Variants in FAR1 observed in about 807,000 individuals in gnomAD.
The protein encoded by FAR1 is fatty acyl-CoA reductase 1.
Under a neutral mutation model 61.1 loss-of-function variants are expected in FAR1, and 22 were observed. The observed-to-expected ratio is 0.36, with a 90% CI of 0.26 to 0.51. The LOEUF is 0.51. Among genes scored for constraint, FAR1 ranks in the 20% least tolerant of loss-of-function variants. The probability of loss-of-function intolerance (pLI) is 0.95; values close to 1 mark genes in which losing one functional copy is unlikely to be tolerated. For synonymous variants in FAR1, 206 were observed against 209.7 expected, an observed-to-expected ratio of 0.98 and a Z score of 0.15; for missense variants, 359 against 626.9, an observed-to-expected ratio of 0.57 and a Z score of 4.56.
chr11:13,712,852 T>A, intron 7 of FAR1, 114 bp from the exon 8 acceptor site: 1 of 634,474 alleles, frequency 1.6e-6, no homozygotes, highest in Non-Finnish European at 2.6e-6. Context: ...TAAAAAAAAA[T>A]AGTATAGAAA....
At chr11:13,697,223 G>T (rs1049517189) in intron 2 of FAR1, among the ~76,000 whole-genome samples, 1 of 152,092 alleles carries the variant, frequency 6.6e-6, no homozygotes, top group Non-Finnish European at 1.5e-5. Flanking sequence ...ACTTTGGGAG[G>T]CCACGGCTGG....
intron 1 of FAR1, chr11:13,670,238 A>T (rs1378020866): frequency 6.6e-6 from 1 of 151,768 alleles, no homozygotes; most frequent in Non-Finnish European, 1.5e-5. Context: ...AGGCCCTGTT[A>T]TTCCATACAT....
intron 10 of FAR1, among the ~76,000 whole-genome samples, chr11:13,723,175 G>A (rs1317339327): frequency 6.6e-6 from 1 of 151,464 alleles, no homozygotes; most frequent in Non-Finnish European, 1.5e-5. Context: ...GACCAGCCTG[G>A]GCAATGTAGC....
At chr11:13,695,778 A>G (rs188319787) in intron 2 of FAR1, among the ~76,000 whole-genome samples, 2 of 152,332 alleles carry the variant, frequency 1.3e-5, no homozygotes, top group East Asian at 1.9e-4. Flanking sequence ...TTGACTTTGA[A>G]TGAACTTCAT....
chr11:13,678,269 T>A (rs1365381454), intron 1 of FAR1, among the ~76,000 whole-genome samples: 1 of 152,098 alleles, frequency 6.6e-6, no homozygotes, highest in African/African-American at 2.4e-5. Context: ...GAAGGTCATG[T>A]TTTCTTTTTT....
In FAR1 at chr11:13,723,383, AC is replaced by A. The variant is rs71041543; in HGVS notation, c.1257+1528del. On this transcript the variant is annotated intron_variant, in intron 10 of 11. Transcript: ENST00000354817. ...CTCTCAAAAAAAAAAAAAAAAAAAA[AC>A]CCCAAAAAAAAACTTTTTTATTTAT... 18 of 388,522 alleles carry A rather than the reference AC, an allele frequency of 4.6e-5. 1 individual carries two copies. The Middle Eastern group carries it at 1.4e-3, about 30-fold the overall frequency. The allele number at this position is 388,522 out of a possible 1,614,324, so 24.1% of individuals were successfully genotyped here. A position where few individuals can be genotyped will look rare whatever the true frequency, so the allele number is the denominator to read the frequency against.
chr11:13,714,088 G>A (rs1299681885), intron 8 of FAR1, among the ~76,000 whole-genome samples: 1 of 152,070 alleles, frequency 6.6e-6, no homozygotes, highest in Non-Finnish European at 1.5e-5. Flanking sequence ...GCCTGTTAAT[G>A]TATGTTAATT....
chr11:13,707,757 T>TA (rs1356246726), intron 3 of FAR1, 143 bp from the exon 4 acceptor site: 2 of 481,434 alleles, frequency 4.2e-6, no homozygotes, highest in Non-Finnish European at 6.8e-6. Context: ...GGAAATAAAA[T>TA]ACACAAAATC....
intron 9 of FAR1, chr11:13,720,534 T>G (rs1194084961): frequency 1.3e-5 from 2 of 151,512 alleles, no homozygotes; most frequent in South Asian, 4.2e-4. Context: ...TGAAATATAG[T>G]TTTTTTTTAC....
intron 1 of FAR1, among the ~76,000 whole-genome samples, chr11:13,680,776 C>T (rs915052938): frequency 6.6e-6 from 1 of 152,176 alleles, no homozygotes; most frequent in Non-Finnish European, 1.5e-5. Flanking sequence ...CACCAGGCCC[C>T]ACCTCCAACA....
Position 13,730,649 on chromosome 11 carries a change from G to C in FAR1, c.*1875G>C, listed in dbSNP as rs1450942945. ...TTTATACTTCTGCCGAATAGACTTAGAATCAGATGAATTGTCTGTGTGTCT... is the reference window on the plus strand; with the variant it reads ...TTTATACTTCTGCCGAATAGACTTACAATCAGATGAATTGTCTGTGTGTCT... On this transcript the variant is annotated 3_prime_UTR_variant, in exon 12 of 12. Transcript: ENST00000354817. 2 of 152,066 alleles carry C rather than the reference G, an allele frequency of 1.3e-5. No homozygotes were observed. Among genetic ancestry groups the C allele is most frequent in the Non-Finnish European group, 2.9e-5 (2 of 67,972 alleles). 9.4% of individuals were successfully genotyped at this position (152,066 alleles called of 1,614,324 possible).
intron 3 of FAR1, among the ~76,000 whole-genome samples, chr11:13,702,510 A>G (rs1565346111): frequency 1.3e-5 from 2 of 152,108 alleles, no homozygotes; most frequent in Non-Finnish European, 2.9e-5. Context: ...AGGTCTAACT[A>G]TTTGTTTTTA....
chr11:13,674,085 G>A (rs557422666), intron 1 of FAR1, among the ~76,000 whole-genome samples: 1 of 152,238 alleles, frequency 6.6e-6, no homozygotes, highest in Non-Finnish European at 1.5e-5. Flanking sequence ...GCCGAGGTGG[G>A]CGGATCATGA....
In FAR1 at chr11:13,710,839, T is replaced by C; in HGVS notation, c.692T>C (p.Ile231Thr). Residue 231 changes from isoleucine to threonine, a missense_variant, in exon 5 of 12, where the codon ATT becomes ACT. Physicochemically the swap from Ile to Thr is moderately conservative, Grantham distance 89. This residue lies in a region of FAR1 where 344 missense variants were observed against 570.3 expected (regional missense o/e 0.60). Coordinates refer to ENST00000354817, the MANE Select transcript of FAR1 (RefSeq NM_032228.6). ...AATGTGGCAATTGTAAGGCCATCGA[T>C]TGTTGGTGCCAGTTGGAAAGAACCT... is the stretch of plus-strand genomic sequence containing the variant. ...KLNVAIVRPS[I>T]VGASWKEPFP... 1 of 1,611,514 alleles carries C rather than the reference T, an allele frequency of 6.2e-7. No homozygotes were observed. Among genetic ancestry groups the C allele is most frequent in the Non-Finnish European group, 8.5e-7 (1 of 1,179,158 alleles).
intron 5 of FAR1, 107 bp from the exon 6 acceptor site, chr11:13,711,657 A>G (rs1249298609): frequency 2.3e-6 from 2 of 851,516 alleles, no homozygotes; most frequent in Non-Finnish European, 3.8e-6. Context: ...TTTAGTTTTT[A>G]GAAGACAGCT....
chr11:13,687,954 TG>T (rs1366711621), intron 1 of FAR1, among the ~76,000 whole-genome samples: 4 of 32,800 alleles, frequency 1.2e-4, no homozygotes, highest in African/African-American at 5.1e-4. Flanking sequence ...TGTTGTGGGG[TG>T]GGGGGAGGGG....
At chr11:13,723,508 T>TAC (rs1848637016) in intron 10 of FAR1, 8 of 334,254 alleles carry the variant, frequency 2.4e-5, no homozygotes, top group Non-Finnish European at 4.0e-5. Context: ...CTCTTTATGT[T>TAC]TGCCGCTTGG....
chr11:13,684,915 T>C (rs117351074), intron 1 of FAR1, among the ~76,000 whole-genome samples: 599 of 152,332 alleles, frequency 3.9e-3, no homozygotes, highest in Non-Finnish European at 7.3e-3. Context: ...TTGAATGTAT[T>C]ATTAGTCTTA....
At chr11:13,710,299 G>T (rs1848483329) in intron 4 of FAR1, among the ~76,000 whole-genome samples, 1 of 151,836 alleles carries the variant, frequency 6.6e-6, no homozygotes, top group Middle Eastern at 3.4e-3. Flanking sequence ...CTTTAGAGAG[G>T]GTATATAATT....
Sources: allele counts gnomAD v4.1 joint callset (sites outside exome capture counted in the v4.1 genomes callset), GRCh38; gene constraint gnomAD v4.1.1; regional missense constraint gnomAD v4.1.1; transcripts MANE v1.5; gene names NCBI Gene and HGNC (gene_info 2026-07-23, HGNC 2026-07-21).